The following RPA1 variants were observed in gnomAD, a reference collection of about 807,000 sequenced individuals.
RPA1 encodes the protein replication protein A1.
RPA1 carries 49 observed loss-of-function variants against 83.0 expected under a neutral mutation model. The observed-to-expected ratio is 0.59, with a 90% CI of 0.47 to 0.75. The LOEUF is 0.75. RPA1 is among the 30% of genes least tolerant of loss of function. The pLI is 0.00. For synonymous variants in RPA1, 279 were observed against 281.8 expected, an observed-to-expected ratio of 0.99 and a Z score of 0.10; for missense variants, 693 against 776.1, an observed-to-expected ratio of 0.89 and a Z score of 1.27.
intron 1 of RPA1, among the ~76,000 whole-genome samples, chr17:1,841,282 G>A (rs952461019): frequency 1.6e-4 from 24 of 152,062 alleles, no homozygotes; most frequent in African/African-American, 5.6e-4. Context: ...AATAAAGGAA[G>A]TTTTATCTGT....
At position 1,879,633 on chromosome 17, in the gene RPA1, C is replaced by T. The variant is rs1567822216; in HGVS notation, c.1026C>T (p.Ala342=). The part of the protein sequence containing the change: ...ITVRSNNREV[A]KRNIYLMDTS... ...TGAGGTCTAACAACAGAGAAGTTGC[C>T]AAGAGGAATATCTACTTGATGGACA... The change falls in exon 11 of 17, where the codon GCC becomes GCT. Residue 342 remains alanine (A), a synonymous_variant. Transcript: ENST00000254719. 18 of 1,614,200 alleles carry T rather than the reference C, an allele frequency of 1.1e-5. No homozygotes were observed. Among genetic ancestry groups the T allele is most frequent in the Non-Finnish European group, 1.5e-5 (18 of 1,180,034 alleles).
At chr17:1,853,945 A>T (rs1305025878) in intron 5 of RPA1, among the ~76,000 whole-genome samples, 1 of 152,156 alleles carries the variant, frequency 6.6e-6, no homozygotes, top group Non-Finnish European at 1.5e-5. Context: ...GAAGGTAGAG[A>T]TCATGTTTGT....
intron 5 of RPA1, among the ~76,000 whole-genome samples, chr17:1,863,528 A>T (rs1011033820): frequency 6.6e-6 from 1 of 152,032 alleles, no homozygotes; most frequent in Non-Finnish European, 1.5e-5. Flanking sequence ...TACTTTTTAT[A>T]TTTTTTTGTA....
chr17:1,886,255 A>G (rs763676763), intron 13 of RPA1, among the ~76,000 whole-genome samples: 1 of 152,198 alleles, frequency 6.6e-6, no homozygotes, highest in Non-Finnish European at 1.5e-5. Flanking sequence ...TATTCAATAA[A>G]CTACACTATA....
At position 1,897,355 on chromosome 17, in the gene RPA1, C is replaced by T. The variant is rs960075926; in HGVS notation, c.*180C>T. The T allele has an allele frequency of 6.1e-5, 35 of 577,376 alleles. No individual in the cohort carries two copies. The highest frequency in any genetic ancestry group is 9.2e-5 in the Non-Finnish European group (30 of 326,378). The allele number at this position is 577,376 out of a possible 1,614,324, so 35.8% of individuals were successfully genotyped here. On this transcript the variant is annotated 3_prime_UTR_variant, in exon 17 of 17. Coordinates refer to ENST00000254719, the MANE Select transcript of RPA1 (RefSeq NM_002945.5). Reference sequence around the variant, plus strand: ...ATCGGTAGGCAAAGGAAAATACGCTCAGGTGGTTGTGGTGTAGACTGTGTC... The same window carrying T: ...ATCGGTAGGCAAAGGAAAATACGCTTAGGTGGTTGTGGTGTAGACTGTGTC...
rs57509401 is a variant in RPA1, at chr17:1,862,194, ATTTTTTTT to A, written c.361+9023_361+9030del. 3.8e-3 allele frequency among the ~76,000 whole-genome samples: 352 copies of A among 93,164 alleles called. 2 individuals are homozygous for A. The highest frequency in any genetic ancestry group is 0.017 in the African/African-American group (334 of 19,336). 61.1% of individuals were successfully genotyped at this position (93,164 alleles called of 152,430 possible). ...GGCGTGAGCCACCGCCCCCAACCGT[ATTTTTTTT>A]TTTTTTTTTTTTTTTTTGTAGCGAT... On this transcript the variant is annotated intron_variant, in intron 5 of 16. Transcript: ENST00000254719.
At chr17:1,849,397 A>C (rs954124112) in intron 4 of RPA1, among the ~76,000 whole-genome samples, 1 of 144,856 alleles carries the variant, frequency 6.9e-6, no homozygotes, top group African/African-American at 2.6e-5. Flanking sequence ...GGTTCACGCC[A>C]TTCTCCTGCC....
At chr17:1,835,329 T>A (rs1044456937) in intron 1 of RPA1, among the ~76,000 whole-genome samples, 11 of 151,924 alleles carry the variant, frequency 7.2e-5, no homozygotes, top group South Asian at 2.1e-4. Context: ...TTTTTTTTTT[T>A]AATTTTGTGT....
chr17:1,831,887 C>T (rs1270088649), intron 1 of RPA1, among the ~76,000 whole-genome samples: 1 of 143,902 alleles, frequency 6.9e-6, no homozygotes, highest in African/African-American at 2.6e-5. Flanking sequence ...GCGTGAGCCA[C>T]TGTGCCCGGC....
intron 12 of RPA1, among the ~76,000 whole-genome samples, chr17:1,882,123 A>G (rs1370497022): frequency 6.6e-6 from 1 of 152,000 alleles, no homozygotes; most frequent in East Asian, 1.9e-4. Context: ...CCACCTTGGG[A>G]TGGTATTTGG....
chr17:1,890,331 T>C (rs1430055641), intron 14 of RPA1, among the ~76,000 whole-genome samples: 1 of 152,000 alleles, frequency 6.6e-6, no homozygotes, highest in Non-Finnish European at 1.5e-5. Context: ...GGCACTGCAC[T>C]CCAGCCTGGG....
chr17:1,884,938 G>A lies in RPA1; in HGVS notation c.1374+994G>A, dbSNP rs973988957. 6.6e-6 allele frequency among the ~76,000 whole-genome samples: 1 copy of A among 152,194 alleles called. No homozygotes were observed. Among genetic ancestry groups the A allele is most frequent in the East Asian group, 1.9e-4 (1 of 5,196 alleles). ...TCAGGGTTGATGGCTGAGCAGTCAC[G>A]GCGATGGTTGCTGAACATCGGCGTG... On this transcript the variant is annotated intron_variant, in intron 13 of 16. Transcript: ENST00000254719. The surrounding 1 kb of genome is among the most constrained non-coding windows in gnomAD (Gnocchi z 4.1).
chr17:1,883,313 A>G (rs918826809), intron 12 of RPA1, among the ~76,000 whole-genome samples: 2 of 151,926 alleles, frequency 1.3e-5, no homozygotes, highest in Non-Finnish European at 2.9e-5. Flanking sequence ...ACAGGCACCC[A>G]CCACCACGCC....
intron 12 of RPA1, among the ~76,000 whole-genome samples, chr17:1,882,389 G>T (rs960344557): frequency 6.6e-6 from 1 of 152,100 alleles, no homozygotes; most frequent in Non-Finnish European, 1.5e-5. Context: ...AGGCACGGTG[G>T]CTCATACCTT....
At chr17:1,873,755 G>A (rs1317797733) in intron 6 of RPA1, among the ~76,000 whole-genome samples, 4 of 151,270 alleles carry the variant, frequency 2.6e-5, no homozygotes, top group Non-Finnish European at 4.4e-5. Flanking sequence ...CTGGGAGGCC[G>A]AGGTGGACGG....
At chr17:1,831,214 C>T (rs1911559367) in intron 1 of RPA1, among the ~76,000 whole-genome samples, 1 of 152,172 alleles carries the variant, frequency 6.6e-6, no homozygotes, top group South Asian at 2.1e-4. Context: ...ATACGTATCC[C>T]AAAGCAAATT....
chr17:1,860,532 T>C (rs186943587), intron 5 of RPA1, among the ~76,000 whole-genome samples: 26 of 152,306 alleles, frequency 1.7e-4, no homozygotes, highest in Admixed American at 1.0e-3. Flanking sequence ...CCATTGAGTG[T>C]ATTTTTCTTC....
intron 1 of RPA1, among the ~76,000 whole-genome samples, chr17:1,832,049 C>T (rs1469237864): frequency 6.6e-6 from 1 of 151,932 alleles, no homozygotes; most frequent in Non-Finnish European, 1.5e-5. Context: ...GTGCCTCTGC[C>T]TCCAGAGTAG....
At chr17:1,893,554 TATTA>T (rs988049858) in intron 15 of RPA1, among the ~76,000 whole-genome samples, 7 of 152,244 alleles carry the variant, frequency 4.6e-5, no homozygotes, top group African/African-American at 1.2e-4. Context: ...TGGTGTGAAC[TATTA>T]ATTAGTTTTT....
Sources: gnomAD v4.1 joint callset for allele counts (sites outside exome capture counted in the v4.1 genomes callset) on GRCh38, gnomAD v4.1.1 for gene constraint, Gnocchi (gnomAD v3.1) non-coding constraint, MANE v1.5 for transcripts, NCBI Gene and HGNC (gene_info 2026-07-23, HGNC 2026-07-21) for gene names.